ZNF469: variants seen among roughly 807,000 people sequenced by gnomAD.
ZNF469 encodes zinc finger protein 469.
A neutral mutation model predicts 1.0 loss-of-function variants in ZNF469; 1 was observed. That is an observed-to-expected ratio of 1.00 (90% CI 0.35 to 4.73). ZNF469 has a LOEUF of 4.73. Ranked by LOEUF, ZNF469 falls within the 30% of genes most tolerant of loss-of-function variation. ZNF469 has a pLI of 0.16. For synonymous variants in ZNF469, 2,703 were observed against 2,363.4 expected (o/e 1.14, Z -4.17); for missense variants, 6,100 against 5,356.3 (o/e 1.14, Z -4.33).
At chr16:88,168,333 G>C in the ZNF469 span, among the ~76,000 whole-genome samples, 1 of 152,152 alleles carries the variant, frequency 6.6e-6, no homozygotes. The surrounding 1 kb of genome is among the most constrained non-coding windows in gnomAD (Gnocchi z 4.3). Flanking sequence ...TGGAATCCAG[G>C]CAAAGTGAAC....
intron 1 of ZNF469, among the ~76,000 whole-genome samples, chr16:88,389,201 G>A (rs1904416763): frequency 6.6e-6 from 1 of 152,204 alleles, no homozygotes; most frequent in African/African-American, 2.4e-5. Context: ...CTCGGCAGCC[G>A]CTCCTTCCTG....
the ZNF469 span, among the ~76,000 whole-genome samples, chr16:88,375,569 C>A: frequency 1.3e-5 from 2 of 152,266 alleles, no homozygotes; most frequent in African/African-American, 4.8e-5. Flanking sequence ...ACCCAGACAT[C>A]GCCCCTGCCG....
the ZNF469 span, among the ~76,000 whole-genome samples, chr16:88,152,634 T>C: frequency 2.0e-5 from 3 of 152,026 alleles, no homozygotes; most frequent in African/African-American, 7.2e-5. The surrounding 1 kb of genome is among the most constrained non-coding windows in gnomAD (Gnocchi z 4.2). Flanking sequence ...TCTGTGCTAA[T>C]TGGAAAAAAC....
intron 1 of ZNF469, among the ~76,000 whole-genome samples, chr16:88,394,835 G>A (rs1040857303): frequency 6.6e-6 from 1 of 152,170 alleles, no homozygotes; most frequent in African/African-American, 2.4e-5. Context: ...CTTTCATGTG[G>A]TCCTTCTCTC....
At chr16:88,185,643 T>A in the ZNF469 span, among the ~76,000 whole-genome samples, 1 of 144,400 alleles carries the variant, frequency 6.9e-6, no homozygotes, top group Non-Finnish European at 1.5e-5. Flanking sequence ...CACTCACACA[T>A]GTGAATATAG....
the ZNF469 span, among the ~76,000 whole-genome samples, chr16:88,244,299 G>A: frequency 6.6e-6 from 1 of 151,582 alleles, no homozygotes; most frequent in Non-Finnish European, 1.5e-5. Context: ...ATGACTGGAT[G>A]GGTGAGTGGA....
the ZNF469 span, among the ~76,000 whole-genome samples, chr16:88,276,250 G>A: frequency 0.23 from 34,749 of 152,102 alleles, 4,802 homozygotes; most frequent in East Asian, 0.36. Flanking sequence ...GCGTGTAAGC[G>A]AGTGTGCTAA....
chr16:88,393,176 T>A (rs1486973094), intron 1 of ZNF469, among the ~76,000 whole-genome samples: 1 of 152,256 alleles, frequency 6.6e-6, no homozygotes, highest in African/African-American at 2.4e-5. Context: ...CCAGCCCGTG[T>A]GCATTCCTGC....
the ZNF469 span, among the ~76,000 whole-genome samples, chr16:88,135,748 G>GTTTTTTTTTTT: frequency 1.5e-5 from 1 of 66,926 alleles, no homozygotes; most frequent in African/African-American, 4.9e-5. Flanking sequence ...AGCTGGCCAT[G>GTTTTTTTTTTT]TTTTTTTTTT....
chr16:88,368,372 C>A, the ZNF469 span, among the ~76,000 whole-genome samples: 1 of 152,188 alleles, frequency 6.6e-6, no homozygotes, highest in Admixed American at 6.5e-5. Flanking sequence ...TGATGGAGGC[C>A]GAGCTCCTTG....
the ZNF469 span, among the ~76,000 whole-genome samples, chr16:88,250,410 G>A: frequency 6.6e-6 from 1 of 152,140 alleles, no homozygotes; most frequent in Non-Finnish European, 1.5e-5. Context: ...TTGCTGAATA[G>A]TATTTCATTT....
chr16:88,338,045 C>A, the ZNF469 span, among the ~76,000 whole-genome samples: 1 of 152,204 alleles, frequency 6.6e-6, no homozygotes. Context: ...GACACATCTA[C>A]GAAAAGTGCT....
At chr16:88,135,905 C>T in the ZNF469 span, among the ~76,000 whole-genome samples, 7 of 151,832 alleles carry the variant, frequency 4.6e-5, no homozygotes, top group South Asian at 6.3e-4. Context: ...GCACTACAGG[C>T]GCCGGCCAAC....
chr16:88,430,657 C>T lies in ZNF469; in HGVS notation c.3187C>T (p.Arg1063Trp), dbSNP rs1468108940. The T allele has an allele frequency of 3.3e-6, 5 of 1,493,246 alleles. No individual in the cohort carries two copies. Among genetic ancestry groups the T allele is most frequent in the Non-Finnish European group, 4.4e-6 (5 of 1,127,182 alleles). The allele number at this position is 1,493,246 out of a possible 1,614,324, so 92.5% of individuals were successfully genotyped here. ...CGTGCAGCAGAAGAACAGGCGCCAC[C>T]GGCGGCTGGGGCGGCGGGCGGGCAG... is the stretch of plus-strand genomic sequence containing the variant. ...KIVQQKNRRH[R>W]RLGRRAGRCG... The change falls in exon 3 of 3, where the codon CGG becomes TGG. Residue 1063 changes from arginine to tryptophan, a missense_variant. Physicochemically the swap from Arg to Trp is moderately radical, Grantham distance 101 (BLOSUM62 -3). Coordinates refer to ENST00000565624, the MANE Select transcript of ZNF469 (RefSeq NM_001367624.2).
the ZNF469 span, among the ~76,000 whole-genome samples, chr16:88,222,810 G>A: frequency 6.6e-6 from 1 of 151,456 alleles, no homozygotes; most frequent in Non-Finnish European, 1.5e-5. Context: ...TATTGCCCAA[G>A]CAGCTCTTGA....
chr16:88,283,898 G>A, the ZNF469 span, among the ~76,000 whole-genome samples: 8 of 133,996 alleles, frequency 6.0e-5, no homozygotes, highest in African/African-American at 2.5e-4. Context: ...GAGGTCTGTG[G>A]AGGCTGGTAG....
At chr16:88,154,878 C>G in the ZNF469 span, among the ~76,000 whole-genome samples, 1 of 152,218 alleles carries the variant, frequency 6.6e-6, no homozygotes, top group African/African-American at 2.4e-5. Context: ...TTTTTCCTCA[C>G]TAACCTGGCT....
At chr16:88,321,023 C>A in the ZNF469 span, among the ~76,000 whole-genome samples, 1 of 152,244 alleles carries the variant, frequency 6.6e-6, no homozygotes, top group Non-Finnish European at 1.5e-5. Flanking sequence ...GGCTGCCTTT[C>A]AGTATGAAAT....
At chr16:88,343,423 C>T in the ZNF469 span, among the ~76,000 whole-genome samples, 20 of 152,194 alleles carry the variant, frequency 1.3e-4, no homozygotes, top group Admixed American at 1.0e-3. Context: ...AGCACAGAGC[C>T]GCCCGCCCAC....
Sources: allele counts gnomAD v4.1 joint callset (sites outside exome capture counted in the v4.1 genomes callset), GRCh38; gene constraint gnomAD v4.1.1; non-coding constraint Gnocchi (gnomAD v3.1); transcripts MANE v1.5; gene names NCBI Gene and HGNC (gene_info 2026-07-23, HGNC 2026-07-21).